SRGAP2: variants seen among roughly 807,000 people sequenced by gnomAD.
SRGAP2 encodes SLIT-ROBO Rho GTPase-activating protein 2.
Under a neutral mutation model 57.2 loss-of-function variants are expected in SRGAP2, and 15 were observed. The ratio of observed to expected loss-of-function variants is 0.26; its 90% CI spans 0.18 to 0.40. The LOEUF (loss-of-function observed/expected upper bound fraction) is 0.40. Ranked by LOEUF, SRGAP2 falls within the 10% of genes least tolerant of loss-of-function variation. The probability of loss-of-function intolerance (pLI) is 1.00; values close to 1 mark genes in which losing one functional copy is unlikely to be tolerated. For synonymous variants in SRGAP2, 249 were observed against 248.0 expected, an observed-to-expected ratio of 1.00 and a Z score of -0.04; for missense variants, 520 against 669.6, an observed-to-expected ratio of 0.78 and a Z score of 2.47.
chr1:206,263,048 CTT>C (rs1452925267), intron 2 of SRGAP2, among the ~76,000 whole-genome samples: 1 of 150,184 alleles, frequency 6.7e-6, no homozygotes. Flanking sequence ...CAAGTATTTC[CTT>C]TTGATTGGGC....
chr1:206,436,488 C>G (rs557387146), intron 14 of SRGAP2, among the ~76,000 whole-genome samples: 1 of 151,498 alleles, frequency 6.6e-6, no homozygotes, highest in African/African-American at 2.4e-5. Context: ...GTAGCTGGGA[C>G]TACAGGCATG....
intron 11 of SRGAP2, among the ~76,000 whole-genome samples, chr1:206,418,806 T>C (rs528871522): frequency 7.9e-5 from 12 of 152,206 alleles, no homozygotes; most frequent in African/African-American, 2.9e-4. Context: ...GAATTTACTA[T>C]GAATCTAAAG....
At chr1:206,437,334 C>T (rs1016449394) in intron 15 of SRGAP2, among the ~76,000 whole-genome samples, 5 of 152,182 alleles carry the variant, frequency 3.3e-5, no homozygotes, top group Non-Finnish European at 7.3e-5. Context: ...TGGCTTCATC[C>T]GGAACCCTTG....
At chr1:206,324,795 C>T (rs1673749133) in intron 3 of SRGAP2, among the ~76,000 whole-genome samples, 1 of 152,088 alleles carries the variant, frequency 6.6e-6, no homozygotes, top group Non-Finnish European at 1.5e-5. Context: ...AAACAATCAT[C>T]GTAGTTGGAC....
At chr1:206,457,275 A>G (rs935478036) in intron 21 of SRGAP2, among the ~76,000 whole-genome samples, 11 of 152,120 alleles carry the variant, frequency 7.2e-5, no homozygotes, top group Admixed American at 7.2e-4. Context: ...TTAAGTATCT[A>G]CTGTTGTGCC....
chr1:206,370,177 A>G (rs1654395900), intron 4 of SRGAP2, among the ~76,000 whole-genome samples: 1 of 151,980 alleles, frequency 6.6e-6, no homozygotes. Context: ...GAGGCAGGAG[A>G]ATGGCGTGAA....
chr1:206,389,733 CT>C (rs1340662713), intron 5 of SRGAP2, among the ~76,000 whole-genome samples: 44 of 151,034 alleles, frequency 2.9e-4, no homozygotes, highest in Middle Eastern at 6.8e-3. Context: ...TTTAGTGTGG[CT>C]GTCAGAGGGA....
intron 4 of SRGAP2, among the ~76,000 whole-genome samples, chr1:206,366,491 C>T (rs1312536600): frequency 6.6e-6 from 1 of 151,874 alleles, no homozygotes; most frequent in African/African-American, 2.4e-5. Flanking sequence ...GCTCAATTGT[C>T]CCCAGGATTT....
intron 2 of SRGAP2, among the ~76,000 whole-genome samples, chr1:206,234,868 G>A (rs1348555870): frequency 5.5e-4 from 84 of 152,112 alleles, no homozygotes; most frequent in Admixed American, 9.2e-4. Flanking sequence ...CGTGCCCCAA[G>A]AGAGCTTTCC....
chr1:206,285,313 A>G (rs1279927185), intron 2 of SRGAP2, among the ~76,000 whole-genome samples: 3 of 151,782 alleles, frequency 2.0e-5, no homozygotes, highest in African/African-American at 7.3e-5. Flanking sequence ...TACAGGGGAG[A>G]TACTGAGCTT....
intron 13 of SRGAP2, among the ~76,000 whole-genome samples, chr1:206,422,142 A>C (rs183511027): frequency 6.6e-6 from 1 of 152,316 alleles, no homozygotes; most frequent in African/African-American, 2.4e-5. Context: ...ATTTTGGGTA[A>C]TTCTCAGTGG....
rs148979393 is a variant in SRGAP2, at chr1:206,421,078, A to T, written c.1470-172A>T. 5.3e-4 allele frequency among the ~76,000 whole-genome samples: 80 copies of T among 152,356 alleles called. No individual in the cohort carries two copies. The East Asian group carries it at 0.012, about 23-fold the overall frequency. ...ATCAAGTTTCTTAGCCATTTCTGGG[A>T]CTGAACTGAGTAATGTCACATGTTT... is the stretch of plus-strand genomic sequence containing the variant. On this transcript the variant is annotated intron_variant, in intron 12 of 22. Coordinates refer to ENST00000573034, the MANE Select transcript of SRGAP2 (RefSeq NM_015326.5).
chr1:206,460,921 A>G, intron 22 of SRGAP2, 116 bp from the exon 23 acceptor site: 1 of 563,222 alleles, frequency 1.8e-6, no homozygotes, highest in Non-Finnish European at 3.1e-6. Context: ...GCCAAGTACA[A>G]TAATCTGGAC....
At chr1:206,354,443 C>T (rs1198125023) in intron 4 of SRGAP2, among the ~76,000 whole-genome samples, 1 of 152,128 alleles carries the variant, frequency 6.6e-6, no homozygotes, top group Non-Finnish European at 1.5e-5. Context: ...TTATCAAGCC[C>T]CTCTAACTTG....
At chr1:206,221,489 G>A (rs1404643880) in intron 2 of SRGAP2, among the ~76,000 whole-genome samples, 1 of 151,868 alleles carries the variant, frequency 6.6e-6, no homozygotes, top group Non-Finnish European at 1.5e-5. Flanking sequence ...AGAGTCCCAA[G>A]GTGGCGTAGG....
intron 16 of SRGAP2, 90 bp downstream of exon 16, chr1:206,438,188 T>A: frequency 1.5e-6 from 1 of 675,022 alleles, no homozygotes; most frequent in African/African-American, 1.8e-5. Context: ...TGTGTTCTCA[T>A]AAGCTTTTCA....
intron 17 of SRGAP2, among the ~76,000 whole-genome samples, chr1:206,443,473 C>G (rs1662489393): frequency 6.6e-6 from 1 of 152,230 alleles, no homozygotes; most frequent in African/African-American, 2.4e-5. Context: ...CTCCCAGGTT[C>G]AAGCGATTCT....
intron 3 of SRGAP2, among the ~76,000 whole-genome samples, chr1:206,334,665 T>G (rs542288821): frequency 6.6e-5 from 10 of 152,170 alleles, no homozygotes; most frequent in Non-Finnish European, 8.8e-5. Flanking sequence ...AGAGAGATGC[T>G]TGCTCTTAAG....
rs913560299 is a variant in SRGAP2, at chr1:206,454,439, C to T, written c.2361-439C>T. ...CGCTACGACAGTGTGTGGCGGTGTC[C>T]TGCCACGACGCCGCCGTCTCCAGAG... On this transcript the variant is annotated intron_variant, in intron 20 of 22. Transcript: ENST00000573034. The surrounding 1 kb of genome is among the most constrained non-coding windows in gnomAD (Gnocchi z 4.3). The T allele has an allele frequency of 5.9e-6, 3 of 504,810 alleles. No individual in the cohort carries two copies. Among genetic ancestry groups the T allele is most frequent in the African/African-American group, 3.9e-5 (2 of 51,536 alleles). 31.3% of individuals were successfully genotyped at this position (504,810 alleles called of 1,614,324 possible).
Sources: allele counts gnomAD v4.1 joint callset (sites outside exome capture counted in the v4.1 genomes callset), GRCh38; gene constraint gnomAD v4.1.1; non-coding constraint Gnocchi (gnomAD v3.1); transcripts MANE v1.5; gene names NCBI Gene and HGNC (gene_info 2026-07-23, HGNC 2026-07-21).